Variants in KLHL25 observed in about 807,000 individuals in gnomAD.
KLHL25 encodes kelch-like protein 25.
In KLHL25, 41 loss-of-function variants were observed where a neutral mutation model predicts 30.0. That is an observed-to-expected ratio of 1.37 (90% CI 1.07 to 1.78). The LOEUF is 1.78. Among genes scored for constraint, KLHL25 ranks in the 40% most tolerant of loss-of-function variants. The pLI, the probability that KLHL25 is intolerant of heterozygous loss-of-function variation, is 0.00. For missense variants in KLHL25, 971 were observed against 824.5 expected (o/e 1.18, Z -2.18); for synonymous variants, 399 against 355.3 (o/e 1.12, Z -1.38).
Position 85,768,562 on chromosome 15 carries a change from A to C in KLHL25, c.1249T>G (p.Tyr417Asp). 1 of 1,613,168 alleles carries C rather than the reference A, an allele frequency of 6.2e-7. No homozygotes were observed. Among genetic ancestry groups the C allele is most frequent in the Non-Finnish European group, 8.5e-7 (1 of 1,179,506 alleles). The stretch of plus-strand genomic sequence containing the variant: ...ATCCACTTGTTGGCCCCAGGGTCGT[A>C]TTTCTCCACTTGTTTCAGGGAGACA... ...PSVSLKQVEKYDPGANKWMMV... is the reference protein window; with the variant it reads ...PSVSLKQVEKDDPGANKWMMV... The change falls in exon 2 of 3, where the codon TAC becomes GAC. Residue 417 changes from tyrosine to aspartate, a missense_variant. Coordinates refer to ENST00000337975, the MANE Select transcript of KLHL25 (RefSeq NM_022480.4).
Position 85,769,390 on chromosome 15 carries a change from C to A in KLHL25, c.421G>T (p.Glu141Ter), listed in dbSNP as rs2089652556. The A allele has an allele frequency of 6.2e-7, 1 of 1,614,150 alleles. No homozygotes were observed. The highest frequency in any genetic ancestry group is 8.5e-7 in the Non-Finnish European group (1 of 1,180,024). The change falls in exon 2 of 3, where the codon GAG (glutamate) becomes TAG (stop). Residue 141 changes from glutamate (E) to a stop codon, truncating the protein, a stop_gained. Transcript: ENST00000337975. LOFTEE classifies it high-confidence loss of function. ...DVRDAAAEFL[E>*]KNLFPSNCLG... ...CAGTTGGAGGGGAAAAGGTTCTTCT[C>A]CAGGAACTCGGCGGCAGCATCCCGC...
intron 1 of KLHL25, among the ~76,000 whole-genome samples, chr15:85,790,672 G>C (rs928123729): frequency 6.6e-6 from 1 of 152,120 alleles, no homozygotes; most frequent in Non-Finnish European, 1.5e-5. Flanking sequence ...ACAGGTTCCA[G>C]GTCTGAGGGC....
chr15:85,784,816 G>A (rs973306749), intron 1 of KLHL25, among the ~76,000 whole-genome samples: 1 of 152,178 alleles, frequency 6.6e-6, no homozygotes, highest in African/African-American at 2.4e-5. Context: ...GGACTTGTGA[G>A]ACCCTAAGTA....
Position 85,776,044 on chromosome 15 carries a change from G to A in KLHL25, c.-10-6224C>T, listed in dbSNP as rs1369794904. ...AAAAATTACCCGGGCATGTTGGCGT[G>A]TGCCTGTAGTCCCAGCTACTCGGGA... On this transcript the variant is annotated intron_variant, in intron 1 of 2. Transcript: ENST00000337975. Among the ~76,000 whole-genome samples, 8 of 151,532 alleles carry A rather than the reference G, an allele frequency of 5.3e-5. No individual in the cohort carries two copies. In the East Asian group the frequency reaches 1.4e-3, roughly 26 times the overall value.
rs952337527 is a variant in KLHL25 at position 85,760,663 on chromosome 15, G to A, written c.*373C>T. 6.6e-6 allele frequency: 1 copy of A among 152,548 alleles called. No individual in the cohort carries two copies. Among genetic ancestry groups the A allele is most frequent in the African/African-American group, 2.4e-5 (1 of 41,480 alleles). 9.4% of individuals were successfully genotyped at this position (152,548 alleles called of 1,614,324 possible). A position where few individuals can be genotyped will look rare whatever the true frequency, so the allele number is the denominator to read the frequency against. ...GCCGCAGCCCCAAAGCCCACCCGGG[G>A]CGCCTCCCTGCCCCTGCCTGCCCGG... On this transcript the variant is annotated 3_prime_UTR_variant, in exon 3 of 3. Coordinates refer to ENST00000337975, the MANE Select transcript of KLHL25 (RefSeq NM_022480.4).
intron 1 of KLHL25, among the ~76,000 whole-genome samples, chr15:85,793,094 A>C (rs2089828290): frequency 6.8e-6 from 1 of 147,756 alleles, no homozygotes; most frequent in African/African-American, 2.5e-5. Context: ...AGACGGGACG[A>C]ACCAAGCTTG....
In KLHL25 at chr15:85,769,049, G is replaced by T. The variant is rs1567238718; in HGVS notation, c.762C>A (p.Ala254=). Residue 254 remains alanine, a synonymous_variant, in exon 2 of 3, where the codon GCC becomes GCA. Coordinates refer to ENST00000337975, the MANE Select transcript of KLHL25 (RefSeq NM_022480.4). The part of the protein sequence containing the change: ...DCLQEAVSSE[A]LLMADERTKL... ...TGGTGCGCTCGTCTGCCATGAGGAG[G>T]GCCTCGCTGGAGACGGCCTCCTGCA... 1.9e-6 allele frequency: 3 copies of T among 1,607,054 alleles called. No homozygotes were observed. Among genetic ancestry groups the T allele is most frequent in the South Asian group, 2.2e-5 (2 of 90,974 alleles).
At chr15:85,794,135 G>A (rs2089835437) in intron 1 of KLHL25, among the ~76,000 whole-genome samples, 1 of 152,230 alleles carries the variant, frequency 6.6e-6, no homozygotes, top group South Asian at 2.1e-4. Flanking sequence ...GCTTGCTCTG[G>A]ACCTGCCAGT....
rs1280852616 is a variant in KLHL25, at chr15:85,769,410, T to A, written c.401A>T (p.Asp134Val). 6.2e-7 allele frequency: 1 copy of A among 1,613,986 alleles called. No homozygotes were observed. The highest frequency in any genetic ancestry group is 1.3e-5 in the African/African-American group (1 of 74,926). ...CTTCTCCAGGAACTCGGCGGCAGCA[T>A]CCCGCACATCGTGGAACTGCAGCAT... ...GDMLQFHDVR[D>V]AAAEFLEKNL... The change falls in exon 2 of 3, where the codon GAT becomes GTT. Residue 134 changes from aspartate to valine, a missense_variant. Coordinates refer to ENST00000337975, the MANE Select transcript of KLHL25 (RefSeq NM_022480.4).
rs1033017614 is a variant in KLHL25, at chr15:85,779,805, T to C, written c.-10-9985A>G. ...CTAGTGTCTTTGTGGTTGTCAACTGTAAATTGTAATGTCTGTGGAAACACA... is the reference window on the plus strand; with the variant it reads ...CTAGTGTCTTTGTGGTTGTCAACTGCAAATTGTAATGTCTGTGGAAACACA... On this transcript the variant is annotated intron_variant, in intron 1 of 2. Coordinates refer to ENST00000337975, the MANE Select transcript of KLHL25 (RefSeq NM_022480.4). Among the ~76,000 whole-genome samples the C allele has an allele frequency of 7.2e-5, 11 of 152,350 alleles. No homozygotes were observed. In the East Asian group the frequency reaches 1.5e-3, roughly 21 times the overall value.
At position 85,761,025 on chromosome 15, in the gene KLHL25, AGAGG is replaced by A. The variant is rs2089578582; in HGVS notation, c.*25-18_*25-15del. On this transcript the variant is annotated splice_polypyrimidine_tract_variant and intron_variant, in intron 2 of 2. Transcript: ENST00000337975. ...GAAGGCCGCGGTCTGTGGAGGGAGG[AGAGG>A]AAGAGAAAATCAATCAGTGGCCACA... The A allele has an allele frequency of 6.6e-6, 1 of 152,366 alleles. No individual in the cohort carries two copies. The highest frequency in any genetic ancestry group is 6.5e-5 in the Admixed American group (1 of 15,288). 9.4% of individuals were successfully genotyped at this position (152,366 alleles called of 1,614,324 possible). A position where few individuals can be genotyped will look rare whatever the true frequency, so the allele number is the denominator to read the frequency against.
intron 1 of KLHL25, among the ~76,000 whole-genome samples, chr15:85,776,685 G>A (rs945026627): frequency 1.3e-5 from 2 of 152,088 alleles, no homozygotes; most frequent in Non-Finnish European, 2.9e-5. Flanking sequence ...CAGCACTTTG[G>A]GAGGCTGAGG....
At position 85,789,079 on chromosome 15, in the gene KLHL25, GGATCTGTGGTC is replaced by G. The variant is rs2089799543; in HGVS notation, c.-11+5676_-11+5686del. 6.6e-6 allele frequency among the ~76,000 whole-genome samples: 1 copy of G among 152,230 alleles called. No homozygotes were observed. The highest frequency in any genetic ancestry group is 2.4e-5 in the African/African-American group (1 of 41,460). On this transcript the variant is annotated intron_variant, in intron 1 of 2. Transcript: ENST00000337975. The surrounding 1 kb of genome is among the most constrained non-coding windows in gnomAD (Gnocchi z 4.1). The stretch of plus-strand genomic sequence containing the variant: ...GAAATTAATTCTGCTCAGCCTAGAT[GGATCTGTGGTC>G]AGCCTCTCCTTGGGGGCCCAATGGG...
Position 85,769,252 on chromosome 15 carries a change from T to A in KLHL25, c.559A>T (p.Ser187Cys). The A allele has an allele frequency of 5.0e-6, 8 of 1,613,878 alleles. No individual in the cohort carries two copies. The highest frequency in any genetic ancestry group is 6.8e-6 in the Non-Finnish European group (8 of 1,180,032). Residue 187 changes from serine to cysteine, a missense_variant, in exon 2 of 3, where the codon AGC (serine) becomes TGC (cysteine). Transcript: ENST00000337975. Reference protein sequence around the residue: ...ETVRQSEDFNSLSKDTLLDLI... With the variant: ...ETVRQSEDFNCLSKDTLLDLI... The stretch of plus-strand genomic sequence containing the variant: ...TCCAGCAGTGTGTCCTTGGACAGGC[T>A]GTTGAAGTCCTCGCTCTGCCTCACC...
chr15:85,783,779 T>C (rs1167673192), intron 1 of KLHL25, among the ~76,000 whole-genome samples: 3 of 151,832 alleles, frequency 2.0e-5, no homozygotes, highest in Non-Finnish European at 2.9e-5. Flanking sequence ...CCATAAATCA[T>C]ACAAAGCGAA....
chr15:85,772,633 C>T (rs547351011), intron 1 of KLHL25, among the ~76,000 whole-genome samples: 1 of 152,370 alleles, frequency 6.6e-6, no homozygotes, highest in South Asian at 2.1e-4. Flanking sequence ...CAGGCAGAGA[C>T]TCCCTTTGGA....
intron 1 of KLHL25, among the ~76,000 whole-genome samples, chr15:85,793,010 C>T (rs2089827705): frequency 6.6e-6 from 1 of 152,194 alleles, no homozygotes; most frequent in Non-Finnish European, 1.5e-5. Flanking sequence ...ATCAATCAAT[C>T]AATCAGTCAC....
At chr15:85,783,988 G>A (rs1483109571) in intron 1 of KLHL25, among the ~76,000 whole-genome samples, 1 of 152,206 alleles carries the variant, frequency 6.6e-6, no homozygotes, top group Non-Finnish European at 1.5e-5. Flanking sequence ...AATTAAGAGA[G>A]AATACACGTA....
At chr15:85,784,535 A>C (rs1272954881) in intron 1 of KLHL25, among the ~76,000 whole-genome samples, 1 of 116,520 alleles carries the variant, frequency 8.6e-6, no homozygotes, top group Non-Finnish European at 2.0e-5. Context: ...CATCTCAAAA[A>C]AAATAAAAAA....
Sources: gnomAD v4.1 joint callset for allele counts (sites outside exome capture counted in the v4.1 genomes callset) on GRCh38, gnomAD v4.1.1 for gene constraint, Gnocchi (gnomAD v3.1) non-coding constraint, MANE v1.5 for transcripts, NCBI Gene and HGNC (gene_info 2026-07-23, HGNC 2026-07-21) for gene names.